PTPN13: variants seen among roughly 807,000 people sequenced by gnomAD.
The protein encoded by PTPN13 is protein tyrosine phosphatase non-receptor type 13.
Under a neutral mutation model 284.0 loss-of-function variants are expected in PTPN13, and 191 were observed. The observed-to-expected ratio is 0.67, with a 90% CI of 0.60 to 0.76. The LOEUF (loss-of-function observed/expected upper bound fraction) is 0.76, where lower values mean the gene tolerates loss of function less well. Ranked by LOEUF, PTPN13 falls within the 30% of genes least tolerant of loss-of-function variation. PTPN13 has a pLI of 0.00. For missense variants in PTPN13, 2,797 were observed against 2,939.9 expected (o/e 0.95, Z 1.12); for synonymous variants, 986 against 1,022.3 (o/e 0.96, Z 0.68).
intron 23 of PTPN13, 103 bp from the exon 24 acceptor site, chr4:86,762,608 TGGTGTTTTGTGTGTCA>T (rs1738823167): frequency 2.6e-6 from 2 of 765,626 alleles, no homozygotes; most frequent in South Asian, 3.8e-5. Flanking sequence ...CATGACCTAA[TGGTGTTTTGTGTGTCA>T]TCCTTATAAA....
At chr4:86,631,188 A>C (rs1722429842) in intron 1 of PTPN13, among the ~76,000 whole-genome samples, 2 of 152,182 alleles carry the variant, frequency 1.3e-5, no homozygotes, top group Non-Finnish European at 2.9e-5. Context: ...CTGTGTCTAA[A>C]GGAAACAATT....
At position 86,770,138 on chromosome 4, in the gene PTPN13, T is replaced by A; in HGVS notation, c.4742T>A (p.Val1581Glu). ...ISALRGTAPE[V>E]FLLLCRPPPG... ...GCTCTCAGGGGAACTGCTCCAGAAG[T>A]ATTCTTGCTTCTCTGCAGACCTCCA... The change falls in exon 30 of 48, where the codon GTA (valine) becomes GAA (glutamate). Residue 1581 changes from valine to glutamate, a missense_variant. By Grantham distance (121) the Val-to-Glu change is moderately radical. Transcript: ENST00000411767. The A allele has an allele frequency of 6.2e-7, 1 of 1,613,766 alleles. No individual in the cohort carries two copies. Among genetic ancestry groups the A allele is most frequent in the Non-Finnish European group, 8.5e-7 (1 of 1,179,792 alleles).
At chr4:86,805,556 C>G (rs1488385354) in intron 44 of PTPN13, among the ~76,000 whole-genome samples, 187 bp downstream of exon 44, 1 of 152,094 alleles carries the variant, frequency 6.6e-6, no homozygotes, top group Admixed American at 6.5e-5. Context: ...TGTAGGTATT[C>G]TGAAAATCAG....
At chr4:86,804,276 CT>C (rs957983272) in intron 43 of PTPN13, among the ~76,000 whole-genome samples, 4 of 152,122 alleles carry the variant, frequency 2.6e-5, no homozygotes, top group Middle Eastern at 3.2e-3. Context: ...GCTCAGAGCC[CT>C]AGCTCCTGTG....
intron 1 of PTPN13, among the ~76,000 whole-genome samples, chr4:86,616,153 C>T (rs1454993174): frequency 6.6e-6 from 1 of 152,158 alleles, no homozygotes; most frequent in Non-Finnish European, 1.5e-5. Context: ...TTTAGGGATA[C>T]ACCAGTTAAC....
rs78831573 is a variant in PTPN13, at chr4:86,747,549, G to GGCAGCA, written c.2650+2450_2650+2455dup. Among the ~76,000 whole-genome samples, 99 of 143,822 alleles carry GGCAGCA rather than the reference G, an allele frequency of 6.9e-4. 1 individual carries two copies. The South Asian group carries it at 8.9e-3, about 13-fold the overall frequency. The allele number at this position is 143,822 out of a possible 152,430, so 94.4% of individuals were successfully genotyped here. ...CGGTAATAGTAGCAGCAGCAGCAGC[G>GGCAGCA]GCAGCAGCAGCAGCAGCAGCAGCAG... On this transcript the variant is annotated intron_variant, in intron 17 of 47. Transcript: ENST00000411767.
Position 86,762,304 on chromosome 4 carries a change from A to G in PTPN13, c.3554-423A>G, listed in dbSNP as rs556334019. ...CCTAAAGTGGCTTTTGATAAGAACT[A>G]TATATAAGCAATTTGGAGTTGCCTT... On this transcript the variant is annotated intron_variant, in intron 23 of 47. Transcript: ENST00000411767. 2.0e-4 allele frequency among the ~76,000 whole-genome samples: 31 copies of G among 152,310 alleles called. No individual in the cohort carries two copies. The South Asian group carries it at 6.4e-3, about 32-fold the overall frequency.
chr4:86,784,066 C>G (rs1741632112), intron 37 of PTPN13, among the ~76,000 whole-genome samples: 2 of 151,886 alleles, frequency 1.3e-5, no homozygotes, highest in Non-Finnish European at 2.9e-5. Flanking sequence ...CTTTAATAGT[C>G]CTATTAAACT....
intron 1 of PTPN13, chr4:86,595,760 A>G (rs1763637104): frequency 9.1e-6 from 9 of 985,754 alleles, no homozygotes; most frequent in Non-Finnish European, 1.1e-5. Flanking sequence ...AATGTAGGAC[A>G]CCTGATCTGT....
intron 2 of PTPN13, among the ~76,000 whole-genome samples, chr4:86,651,139 A>G (rs1725031070): frequency 6.6e-6 from 1 of 152,088 alleles, no homozygotes; most frequent in African/African-American, 2.4e-5. Flanking sequence ...GTTGAATTTT[A>G]TTGAATGCTT....
At chr4:86,684,195 G>A (rs1729202348) in intron 3 of PTPN13, among the ~76,000 whole-genome samples, 1 of 152,140 alleles carries the variant, frequency 6.6e-6, no homozygotes, top group East Asian at 1.9e-4. Flanking sequence ...TCAAAGTGTG[G>A]TGCAGAAATA....
intron 2 of PTPN13, among the ~76,000 whole-genome samples, chr4:86,664,726 T>G (rs147878369): frequency 6.6e-6 from 1 of 152,182 alleles, no homozygotes; most frequent in East Asian, 1.9e-4. Context: ...GTGGAAAAGG[T>G]GGAAGTGAAA....
chr4:86,807,603 C>T lies in PTPN13; in HGVS notation c.6789C>T (p.Ile2263=), dbSNP rs1326389109. The change falls in exon 45 of 48, where the codon ATC becomes ATT. Residue 2263 remains isoleucine, a synonymous_variant. Transcript: ENST00000411767. ...CTCTTGGAGATGAAGGTGGCTATAT[C>T]AATGCCAGCTTCATTAAGATACCAG... ...RVPLGDEGGY[I]NASFIKIPVG... 1 of 1,613,718 alleles carries T rather than the reference C, an allele frequency of 6.2e-7. No individual in the cohort carries two copies. Among genetic ancestry groups the T allele is most frequent in the South Asian group, 1.1e-5 (1 of 91,018 alleles).
chr4:86,744,115 G>T (rs1368088872), intron 16 of PTPN13, among the ~76,000 whole-genome samples: 2 of 151,872 alleles, frequency 1.3e-5, no homozygotes, highest in Non-Finnish European at 2.9e-5. Flanking sequence ...TCTATATTTG[G>T]CACAAATCAC....
chr4:86,810,081 A>G (rs1484968666), intron 46 of PTPN13, 97 bp downstream of exon 46: 1 of 870,262 alleles, frequency 1.1e-6, no homozygotes. Flanking sequence ...ATTTTAACTT[A>G]TGAGTTTATA....
At chr4:86,786,015 G>C in intron 40 of PTPN13, 79 bp downstream of exon 40, 7 of 714,480 alleles carry the variant, frequency 9.8e-6, no homozygotes, top group Admixed American at 3.7e-5. Context: ...GAAATAATCA[G>C]AGATTCTTTC....
chr4:86,771,471 G>A lies in PTPN13; in HGVS notation c.5104G>A (p.Asp1702Asn). Residue 1702 changes from aspartate to asparagine, a missense_variant, in exon 31 of 48, where the codon GAT (aspartate) becomes AAT (asparagine). Physicochemically the swap from Asp to Asn is conservative, Grantham distance 23. Coordinates refer to ENST00000411767, the MANE Select transcript of PTPN13 (RefSeq NM_080683.3). Reference sequence around the variant, plus strand: ...TCATGAAGCACCCAAGAGTCAAGAAGATACCATTTGTACCATGTTTTACTA... The same window carrying A: ...TCATGAAGCACCCAAGAGTCAAGAAAATACCATTTGTACCATGTTTTACTA... Reference protein sequence around the residue: ...SHHEAPKSQEDTICTMFYYPQ... With the variant: ...SHHEAPKSQENTICTMFYYPQ... 6.4e-7 allele frequency: 1 copy of A among 1,566,250 alleles called. No homozygotes were observed. Among genetic ancestry groups the A allele is most frequent in the Non-Finnish European group, 8.7e-7 (1 of 1,153,580 alleles).
At chr4:86,660,575 A>C (rs1726369108) in intron 2 of PTPN13, among the ~76,000 whole-genome samples, 2 of 152,128 alleles carry the variant, frequency 1.3e-5, no homozygotes, top group South Asian at 4.1e-4. Flanking sequence ...AGGGTGTATT[A>C]GTTGTCTTTG....
intron 1 of PTPN13, among the ~76,000 whole-genome samples, chr4:86,609,310 TA>T (rs1374696480): frequency 6.6e-6 from 1 of 152,236 alleles, no homozygotes; most frequent in Non-Finnish European, 1.5e-5. Context: ...TTATAGCAGA[TA>T]AAGTTTATTA....
Sources: gnomAD v4.1 joint callset for allele counts (sites outside exome capture counted in the v4.1 genomes callset) on GRCh38, gnomAD v4.1.1 for gene constraint, MANE v1.5 for transcripts, NCBI Gene and HGNC (gene_info 2026-07-23, HGNC 2026-07-21) for gene names.